Variants in NWD1 observed in about 807,000 individuals in gnomAD.
The protein encoded by NWD1 is NACHT domain- and WD repeat-containing protein 1.
In NWD1, 129 loss-of-function variants were observed where a neutral mutation model predicts 135.1. The observed-to-expected ratio is 0.96, with a 90% CI of 0.83 to 1.11. NWD1 has a LOEUF of 1.11. Ranked by LOEUF, NWD1 falls within the 50% of genes least tolerant of loss-of-function variation. The pLI is 0.00. For missense variants in NWD1, 1,740 were observed against 1,851.3 expected (o/e 0.94, Z 1.10); for synonymous variants, 773 against 786.0 (o/e 0.98, Z 0.28).
Position 16,761,940 on chromosome 19 carries a change from G to T in NWD1, c.1974-39G>T, listed in dbSNP as rs753461782. On this transcript the variant is annotated intron_variant, in intron 7 of 18. Transcript: ENST00000524140. ...CAAGCAGCCACCTTTGAGCTTGATGGGTCACCCAGGTCTATCAGTCTGTAT... is the reference window on the plus strand; with the variant it reads ...CAAGCAGCCACCTTTGAGCTTGATGTGTCACCCAGGTCTATCAGTCTGTAT... The T allele has an allele frequency of 3.2e-6, 5 of 1,562,226 alleles. No individual in the cohort carries two copies. The South Asian group carries it at 4.6e-5, about 14-fold the overall frequency.
At chr19:16,788,757 A>G (rs567712926) in intron 12 of NWD1, among the ~76,000 whole-genome samples, 2 of 152,200 alleles carry the variant, frequency 1.3e-5, no homozygotes, top group South Asian at 4.1e-4. Flanking sequence ...GTTATTAGGC[A>G]TACAAGCGTG....
intron 2 of NWD1, among the ~76,000 whole-genome samples, chr19:16,729,637 G>C (rs904968060): frequency 6.6e-6 from 1 of 151,264 alleles, no homozygotes; most frequent in Non-Finnish European, 1.5e-5. Flanking sequence ...CGGTACTTTA[G>C]GGGGCCGAGG....
At chr19:16,733,297 G>A (rs573747488) in intron 3 of NWD1, among the ~76,000 whole-genome samples, 2 of 152,048 alleles carry the variant, frequency 1.3e-5, no homozygotes, top group Admixed American at 6.6e-5. Context: ...AAGGCGGGTA[G>A]ATCACCTGAG....
intron 17 of NWD1, among the ~76,000 whole-genome samples, chr19:16,801,139 C>T (rs562098613): frequency 4.6e-5 from 7 of 152,012 alleles, no homozygotes; most frequent in East Asian, 3.9e-4. Flanking sequence ...ATTAGCTGGG[C>T]GTGGTGGTGC....
intron 13 of NWD1, 111 bp downstream of exon 13, chr19:16,789,301 G>A (rs1477243134): frequency 2.6e-6 from 2 of 780,992 alleles, no homozygotes; most frequent in Non-Finnish European, 4.3e-6. Flanking sequence ...GGGTGGGGGT[G>A]TAAATGGAGT....
At chr19:16,804,042 T>C (rs1345664705) in intron 17 of NWD1, among the ~76,000 whole-genome samples, 1 of 152,216 alleles carries the variant, frequency 6.6e-6, no homozygotes, top group Non-Finnish European at 1.5e-5. Flanking sequence ...TAATTCAGGT[T>C]ACCTAGAAGC....
Position 16,782,688 on chromosome 19 carries a change from G to A in NWD1, c.2731+3223G>A, listed in dbSNP as rs796925609. 2.4e-4 allele frequency among the ~76,000 whole-genome samples: 37 copies of A among 151,980 alleles called. 1 individual carries two copies. Among genetic ancestry groups the A allele is most frequent in the African/African-American group, 7.5e-4 (31 of 41,458 alleles). ...GGGTTTTGCATCTATAGATTCAACC[G>A]ACTGTGGATTGAAAATATTTGGAAA... is the stretch of plus-strand genomic sequence containing the variant. On this transcript the variant is annotated intron_variant, in intron 12 of 18. Transcript: ENST00000524140.
chr19:16,791,390 A>G lies in NWD1; in HGVS notation c.2981A>G (p.His994Arg), dbSNP rs777116424. Residue 994 changes from histidine to arginine, a missense_variant, in exon 14 of 19, where the codon CAT becomes CGT. Physicochemically the swap from His to Arg is conservative, Grantham distance 29 (BLOSUM62 0). Transcript: ENST00000524140. ...CTGGAAACTGCAGAGCCGGTATTCC[A>G]TATCCTGGGAGATGCCTCTGATCCT... is the stretch of plus-strand genomic sequence containing the variant. Reference protein sequence around the residue: ...WNLETAEPVFHILGDASDPWM... With the variant: ...WNLETAEPVFRILGDASDPWM... The G allele has an allele frequency of 1.8e-5, 29 of 1,614,002 alleles. 1 individual carries two copies. The Admixed American group carries it at 3.5e-4, about 19-fold the overall frequency.
chr19:16,814,905 T>C (rs948554515), intron 18 of NWD1, 123 bp from the exon 19 acceptor site: 1 of 774,606 alleles, frequency 1.3e-6, no homozygotes, highest in Non-Finnish European at 2.1e-6. Flanking sequence ...ATAATAAATG[T>C]CATGCCAAAA....
At chr19:16,760,196 A>G (rs1968956534) in intron 7 of NWD1, among the ~76,000 whole-genome samples, 1 of 151,034 alleles carries the variant, frequency 6.6e-6, no homozygotes. Flanking sequence ...AACTAAACTA[A>G]ACTAGGTGAA....
At chr19:16,790,642 T>TAAC in intron 13 of NWD1, among the ~76,000 whole-genome samples, 1 of 70,692 alleles carries the variant, frequency 1.4e-5, no homozygotes, top group Non-Finnish European at 4.4e-5. Flanking sequence ...TAAAAAAAAA[T>TAAC]AAATAAATAA....
In NWD1 at chr19:16,807,997, C is replaced by T; in HGVS notation, c.4148C>T (p.Pro1383Leu). ...LYECATSKAF[P>L]LETHRSRVAC... ...GAGTGTGCAACTTCCAAAGCGTTTC[C>T]CTTGGAGACCCACAGGAGCCGAGTT... The change falls in exon 18 of 19, where the codon CCC becomes CTC. Residue 1383 changes from proline to leucine, a missense_variant. Physicochemically the swap from Pro to Leu is moderately conservative, Grantham distance 98. Coordinates refer to ENST00000524140, the MANE Select transcript of NWD1 (RefSeq NM_001007525.5). 3 of 1,614,116 alleles carry T rather than the reference C, an allele frequency of 1.9e-6. No homozygotes were observed. The highest frequency in any genetic ancestry group is 2.5e-6 in the Non-Finnish European group (3 of 1,180,016).
chr19:16,735,489 G>A (rs570779086), intron 3 of NWD1, among the ~76,000 whole-genome samples: 28 of 149,650 alleles, frequency 1.9e-4, no homozygotes, highest in Non-Finnish European at 3.3e-4. Flanking sequence ...CTGGGTGACA[G>A]AGCAAGACTC....
intron 2 of NWD1, among the ~76,000 whole-genome samples, chr19:16,724,698 A>C (rs1748660740): frequency 6.6e-6 from 1 of 152,078 alleles, no homozygotes; most frequent in South Asian, 2.1e-4. Context: ...CTACAAAAAA[A>C]ATATTTTTTT....
intron 4 of NWD1, among the ~76,000 whole-genome samples, chr19:16,737,779 C>T (rs1353024675): frequency 3.3e-5 from 5 of 151,706 alleles, no homozygotes; most frequent in Admixed American, 6.6e-5. Flanking sequence ...TGAGACCAGC[C>T]TGGGCAACAT....
chr19:16,757,252 C>T (rs146289351), intron 6 of NWD1, among the ~76,000 whole-genome samples: 15 of 152,120 alleles, frequency 9.9e-5, no homozygotes, highest in Admixed American at 2.0e-4. Context: ...ACACACAGGA[C>T]GGTCCCCACC....
At chr19:16,801,909 T>C (rs1414033916) in intron 17 of NWD1, among the ~76,000 whole-genome samples, 3 of 151,932 alleles carry the variant, frequency 2.0e-5, no homozygotes, top group African/African-American at 4.8e-5. Context: ...TGACCCCAGC[T>C]ACTCAGGAGG....
At chr19:16,806,004 C>T (rs1456836059) in intron 17 of NWD1, among the ~76,000 whole-genome samples, 1 of 151,970 alleles carries the variant, frequency 6.6e-6, no homozygotes, top group Non-Finnish European at 1.5e-5. Flanking sequence ...TTCCAAGTAG[C>T]TGGGATTACA....
intron 6 of NWD1, among the ~76,000 whole-genome samples, chr19:16,752,500 T>C (rs901388865): frequency 2.6e-4 from 36 of 137,562 alleles, no homozygotes; most frequent in Admixed American, 2.5e-3. Flanking sequence ...ATACAACAAT[T>C]TTTTTTAATT....
Sources: gnomAD v4.1 joint callset for allele counts (sites outside exome capture counted in the v4.1 genomes callset) on GRCh38, gnomAD v4.1.1 for gene constraint, MANE v1.5 for transcripts, NCBI Gene and HGNC (gene_info 2026-07-23, HGNC 2026-07-21) for gene names.